The following PTPRD variants were observed in gnomAD, a reference collection of about 807,000 sequenced individuals.
PTPRD encodes the protein protein tyrosine phosphatase receptor type D, also known as receptor-type tyrosine-protein phosphatase delta.
Under a neutral mutation model 214.5 loss-of-function variants are expected in PTPRD, and 34 were observed. That is an observed-to-expected ratio of 0.16 (90% CI 0.12 to 0.21). PTPRD has a LOEUF of 0.21. Among genes scored for constraint, PTPRD ranks in the 10% least tolerant of loss-of-function variants. The probability of loss-of-function intolerance (pLI) is 1.00; values close to 1 mark genes in which losing one functional copy is unlikely to be tolerated. For missense variants in PTPRD, 2,545 were observed against 2,398.7 expected (o/e 1.06, Z -1.27); for synonymous variants, 1,128 against 845.7 (o/e 1.33, Z -5.79).
At chr9:8,517,327 C>T (rs1214577016) in intron 21 of PTPRD, among the ~76,000 whole-genome samples, 4 of 152,172 alleles carry the variant, frequency 2.6e-5, no homozygotes, top group African/African-American at 9.7e-5. Context: ...AACTGTCTCT[C>T]TTTATCCACT....
At chr9:10,384,400 A>G (rs1223322214) in intron 2 of PTPRD, among the ~76,000 whole-genome samples, 1 of 151,752 alleles carries the variant, frequency 6.6e-6, no homozygotes, top group Non-Finnish European at 1.5e-5. Context: ...CCTGGGATTC[A>G]TTACAATTTT....
chr9:9,044,662 T>C (rs1195538646), intron 10 of PTPRD, among the ~76,000 whole-genome samples: 1 of 152,226 alleles, frequency 6.6e-6, no homozygotes, highest in East Asian at 1.9e-4. Context: ...TCAGGACCTA[T>C]CAAGTCAATA....
At chr9:10,249,870 T>C (rs1360239179) in intron 3 of PTPRD, among the ~76,000 whole-genome samples, 1 of 152,148 alleles carries the variant, frequency 6.6e-6, no homozygotes, top group African/African-American at 2.4e-5. Flanking sequence ...AGAAAATGAC[T>C]GCTACATTTG....
intron 39 of PTPRD, among the ~76,000 whole-genome samples, chr9:8,364,358 C>T (rs140196111): frequency 3.5e-4 from 54 of 152,326 alleles, no homozygotes; most frequent in Admixed American, 7.2e-4. Flanking sequence ...GTTTTTATTT[C>T]GGTTCCAGCA....
chr9:9,261,372 A>T (rs1340983079), intron 9 of PTPRD, among the ~76,000 whole-genome samples: 2 of 151,838 alleles, frequency 1.3e-5, no homozygotes, highest in Non-Finnish European at 2.9e-5. Context: ...ATGTCCTTGA[A>T]TATTAACATT....
chr9:9,441,111 A>G (rs2087528784), intron 8 of PTPRD, among the ~76,000 whole-genome samples: 1 of 152,170 alleles, frequency 6.6e-6, no homozygotes. Context: ...TTACCTTGGA[A>G]AGAGTGTGAC....
intron 3 of PTPRD, among the ~76,000 whole-genome samples, chr9:10,070,861 G>A (rs890289255): frequency 6.6e-6 from 1 of 151,768 alleles, no homozygotes; most frequent in Admixed American, 6.6e-5. Flanking sequence ...ACCTTATTTT[G>A]TAGATTAAAA....
intron 5 of PTPRD, among the ~76,000 whole-genome samples, chr9:9,877,229 A>G (rs984160055): frequency 6.6e-6 from 1 of 152,142 alleles, no homozygotes; most frequent in Non-Finnish European, 1.5e-5. Flanking sequence ...AATGCAGGTA[A>G]TTCTATATTT....
At chr9:9,989,136 T>C (rs924236394) in intron 4 of PTPRD, among the ~76,000 whole-genome samples, 4 of 151,788 alleles carry the variant, frequency 2.6e-5, no homozygotes, top group African/African-American at 4.8e-5. Flanking sequence ...GTAGATTCTA[T>C]ATTTTTTTCA....
chr9:8,995,544 C>T (rs1433080283), intron 11 of PTPRD, among the ~76,000 whole-genome samples: 2 of 151,714 alleles, frequency 1.3e-5, no homozygotes, highest in African/African-American at 4.8e-5. Flanking sequence ...TCTTACAGAA[C>T]TTTAGGATTT....
chr9:8,369,648 C>T (rs1328455877), intron 39 of PTPRD, among the ~76,000 whole-genome samples: 1 of 151,790 alleles, frequency 6.6e-6, no homozygotes. Context: ...AAGATCAATT[C>T]AGGAGTTGTG....
intron 4 of PTPRD, among the ~76,000 whole-genome samples, chr9:9,959,820 A>T (rs1360469670): frequency 1.3e-5 from 2 of 152,212 alleles, no homozygotes; most frequent in Admixed American, 6.5e-5. Flanking sequence ...AAGCAAGGAG[A>T]GGAAGCTAGA....
chr9:9,077,825 C>T (rs935965704), intron 10 of PTPRD, among the ~76,000 whole-genome samples: 1 of 152,012 alleles, frequency 6.6e-6, no homozygotes, highest in East Asian at 1.9e-4. Flanking sequence ...CCCAGCTTAA[C>T]CTGAGTCAGT....
At chr9:9,448,952 T>C (rs559257214) in intron 8 of PTPRD, among the ~76,000 whole-genome samples, 1 of 152,086 alleles carries the variant, frequency 6.6e-6, no homozygotes, top group Non-Finnish European at 1.5e-5. Context: ...ATGTTAGTTA[T>C]TTGCACAGAT....
At chr9:9,432,744 A>T (rs2083696963) in intron 8 of PTPRD, among the ~76,000 whole-genome samples, 1 of 152,232 alleles carries the variant, frequency 6.6e-6, no homozygotes, top group African/African-American at 2.4e-5. Flanking sequence ...ATGAATAATG[A>T]AGCCACTTTA....
At chr9:9,887,452 A>C (rs1006034338) in intron 5 of PTPRD, among the ~76,000 whole-genome samples, 2 of 152,176 alleles carry the variant, frequency 1.3e-5, no homozygotes, top group African/African-American at 4.8e-5. Context: ...CATATAAAAA[A>C]ACATGATGCA....
chr9:10,158,845 G>A (rs2099109942), intron 3 of PTPRD, among the ~76,000 whole-genome samples: 2 of 152,082 alleles, frequency 1.3e-5, no homozygotes, highest in African/African-American at 4.8e-5. Flanking sequence ...TCCACAAGAA[G>A]CATCAGGAGT....
chr9:10,487,966 G>GTCTCCCTCTC lies in PTPRD; in HGVS notation c.-600+124431_-600+124432insGAGAGGGAGA, dbSNP rs1491332095. Among the ~76,000 whole-genome samples, 44 of 110,320 alleles carry GTCTCCCTCTC rather than the reference G, an allele frequency of 4.0e-4. 1 individual carries two copies. The highest frequency in any genetic ancestry group is 1.5e-3 in the African/African-American group (40 of 25,940). 72.4% of individuals were successfully genotyped at this position (110,320 alleles called of 152,430 possible). A position where few individuals can be genotyped will look rare whatever the true frequency, so the allele number is the denominator to read the frequency against. The stretch of plus-strand genomic sequence containing the variant: ...CCTTAATTTCTCCCAAATGAACACA[G>GTCTCCCTCTC]TCTCTCTCTCTCTCTCTCTCTCTCT... On this transcript the variant is annotated intron_variant, in intron 2 of 45. Transcript: ENST00000381196.
intron 10 of PTPRD, among the ~76,000 whole-genome samples, chr9:9,156,265 A>G (rs1224898578): frequency 6.6e-6 from 1 of 152,030 alleles, no homozygotes; most frequent in African/African-American, 2.4e-5. Context: ...CTAATAAAAT[A>G]CCTTTAGTCA....
Sources: allele counts gnomAD v4.1 joint callset (sites outside exome capture counted in the v4.1 genomes callset), GRCh38; gene constraint gnomAD v4.1.1; transcripts MANE v1.5; gene names NCBI Gene and HGNC (gene_info 2026-07-23, HGNC 2026-07-21).